Variants in CDYL observed in about 807,000 individuals in gnomAD.
The protein encoded by CDYL is chromodomain Y-like protein.
CDYL carries 8 observed loss-of-function variants against 47.3 expected under a neutral mutation model. That is an observed-to-expected ratio of 0.17 (90% confidence interval 0.10 to 0.31). CDYL has a LOEUF of 0.31. Among genes scored for constraint, CDYL ranks in the 10% least tolerant of loss-of-function variants. The pLI is 1.00. For missense variants in CDYL, 471 were observed against 701.4 expected, an observed-to-expected ratio of 0.67 and a Z score of 3.71; for synonymous variants, 266 against 265.0, an observed-to-expected ratio of 1.00 and a Z score of -0.04.
intron 1 of CDYL, among the ~76,000 whole-genome samples, chr6:4,825,848 CAAA>C (rs34591908): frequency 1.6e-4 from 16 of 98,822 alleles, no homozygotes; most frequent in Admixed American, 3.4e-4. Context: ...CCTAGAATGG[CAAA>C]AAAAAAAAAA....
chr6:4,903,207 C>T (rs1251897427), intron 2 of CDYL, among the ~76,000 whole-genome samples: 1 of 152,200 alleles, frequency 6.6e-6, no homozygotes, highest in East Asian at 1.9e-4. Context: ...GGACGTCCTC[C>T]AAATCAGACG....
At position 4,758,351 on chromosome 6, in the gene CDYL, A is replaced by AATATATATAT. The variant is rs56250752; in HGVS notation, c.186+23518_186+23527dup. ...AAGACTCATGTCTTGAAAATAAATAAATATATATATATATATATATCTCTT... is the reference window on the plus strand; with the variant it reads ...AAGACTCATGTCTTGAAAATAAATAAATATATATATATATATATATATATATATATCTCTT... On this transcript the variant is annotated intron_variant, in intron 3 of 8. Coordinates refer to the CDYL transcript ENST00000328908. 3.7e-3 allele frequency among the ~76,000 whole-genome samples: 476 copies of AATATATATAT among 129,066 alleles called. 11 individuals carry two copies. Among genetic ancestry groups the AATATATATAT allele is most frequent in the African/African-American group, 0.014 (448 of 32,670 alleles). The allele number at this position is 129,066 out of a possible 152,430, so 84.7% of individuals were successfully genotyped here. A position where few individuals can be genotyped will look rare whatever the true frequency, so the allele number is the denominator to read the frequency against.
intron 1 of CDYL, among the ~76,000 whole-genome samples, chr6:4,800,610 T>C (rs897520376): frequency 3.9e-5 from 6 of 152,224 alleles, no homozygotes; most frequent in African/African-American, 1.4e-4. Flanking sequence ...CATTTCTTGT[T>C]ATAGATCTAC....
At chr6:4,939,914 G>A (rs552574037) in intron 4 of CDYL, among the ~76,000 whole-genome samples, 62 of 152,318 alleles carry the variant, frequency 4.1e-4, no homozygotes, top group African/African-American at 1.4e-3. Flanking sequence ...GTGTCAGCCA[G>A]TGCCTTCTGG....
chr6:4,718,817 T>A (rs938297826), intron 2 of CDYL, among the ~76,000 whole-genome samples: 3 of 152,226 alleles, frequency 2.0e-5, no homozygotes, highest in Admixed American at 6.5e-5. Flanking sequence ...TTTTGACATA[T>A]GCATCTACAT....
chr6:4,900,942 C>T (rs1342063296), intron 2 of CDYL, among the ~76,000 whole-genome samples: 21 of 149,526 alleles, frequency 1.4e-4, no homozygotes, highest in Non-Finnish European at 1.9e-4. Flanking sequence ...TGAGCTGTGG[C>T]GTGCATGCTT....
intron 2 of CDYL, among the ~76,000 whole-genome samples, chr6:4,717,759 TTTTGTTGTTTTGTTAGG>T (rs2127408668): frequency 6.7e-6 from 1 of 149,846 alleles, no homozygotes; most frequent in South Asian, 2.1e-4. Flanking sequence ...TGAAAGGGAT[TTTTGTTGTTTTGTTAGG>T]TTTTTTTGGT....
chr6:4,927,509 G>T (rs775677872), intron 2 of CDYL, among the ~76,000 whole-genome samples: 1 of 151,538 alleles, frequency 6.6e-6, no homozygotes, highest in Non-Finnish European at 1.5e-5. Context: ...GTGCAGTGGT[G>T]TGATCTCAGC....
intron 3 of CDYL, among the ~76,000 whole-genome samples, chr6:4,749,589 AAGAGGT>A (rs1757956516): frequency 6.6e-6 from 1 of 152,238 alleles, no homozygotes; most frequent in Non-Finnish European, 1.5e-5. Flanking sequence ...TTCTGACTTT[AAGAGGT>A]ATTTGATCTA....
At chr6:4,883,225 A>G (rs528732157) in intron 1 of CDYL, among the ~76,000 whole-genome samples, 70 of 152,256 alleles carry the variant, frequency 4.6e-4, no homozygotes, top group Non-Finnish European at 7.8e-4. Flanking sequence ...TGGGGAGTGC[A>G]TTACACCTTG....
chr6:4,745,859 CCAGTAGTGGAGG>C (rs1757886326), intron 3 of CDYL, among the ~76,000 whole-genome samples: 1 of 152,054 alleles, frequency 6.6e-6, no homozygotes, highest in South Asian at 2.1e-4. Flanking sequence ...GAAGGCAATC[CCAGTAGTGGAGG>C]CAACAGTGCA....
intron 2 of CDYL, among the ~76,000 whole-genome samples, chr6:4,718,016 T>C (rs1386914725): frequency 6.6e-6 from 1 of 152,000 alleles, no homozygotes; most frequent in Non-Finnish European, 1.5e-5. Flanking sequence ...CGGCTGATTT[T>C]ATATTTTGTA....
In CDYL at chr6:4,937,438, G is replaced by A. The variant is rs1758230464; in HGVS notation, c.949-127G>A. ...TTGAGCCCAGGAGTTAGAGAGCACA[G>A]TGAGCCTTGATTAAACCACTGCACG... is the stretch of plus-strand genomic sequence containing the variant. On this transcript the variant is annotated intron_variant, in intron 3 of 6. Transcript: ENST00000397588. The A allele has an allele frequency of 6.2e-6, 4 of 641,696 alleles. No individual in the cohort carries two copies. The South Asian group carries it at 8.7e-5, about 14-fold the overall frequency. 39.8% of individuals were successfully genotyped at this position (641,696 alleles called of 1,614,324 possible).
At chr6:4,775,590 G>T (rs934956722), upstream of CDYL, among the ~76,000 whole-genome samples, 3 of 151,898 alleles carry the variant, frequency 2.0e-5, no homozygotes, top group African/African-American at 4.8e-5. This position sits in a 1 kb window ranked among gnomAD's most constrained non-coding sequence, Gnocchi z 7.0. Flanking sequence ...GGCCTGGCGT[G>T]GGGGGAGCTG....
chr6:4,839,367 G>T (rs191494719), intron 1 of CDYL, among the ~76,000 whole-genome samples: 19 of 152,314 alleles, frequency 1.2e-4, no homozygotes, highest in African/African-American at 3.8e-4. Context: ...CACTCTGTGG[G>T]TTGTCTGTTT....
At chr6:4,877,904 T>C (rs1761662220) in intron 1 of CDYL, among the ~76,000 whole-genome samples, 1 of 152,230 alleles carries the variant, frequency 6.6e-6, no homozygotes, top group Non-Finnish European at 1.5e-5. Context: ...GTTGTATCTA[T>C]AGATGCATTT....
chr6:4,925,846 AAC>A (rs899223144), intron 2 of CDYL, among the ~76,000 whole-genome samples: 1 of 152,132 alleles, frequency 6.6e-6, no homozygotes, highest in Admixed American at 6.5e-5. Context: ...TGCATGTGAG[AAC>A]ACACATCTCT....
Position 4,902,578 on chromosome 6 carries a change from A to ACTTCCTCTTTTTGAATAGGTGTT in CDYL, c.691+10207_691+10229dup, listed in dbSNP as rs1757101723. Among the ~76,000 whole-genome samples, 4 of 152,254 alleles carry ACTTCCTCTTTTTGAATAGGTGTT rather than the reference A, an allele frequency of 2.6e-5. No individual in the cohort carries two copies. The South Asian group carries it at 8.3e-4, about 32-fold the overall frequency. On this transcript the variant is annotated intron_variant, in intron 2 of 6. Coordinates refer to ENST00000397588, the MANE Select transcript of CDYL (RefSeq NM_004824.4). ...GAGACTGAGCTGTGCCCAGCTCTGT[A>ACTTCCTCTTTTTGAATAGGTGTT]CTTCCTCTTTTTGAATAGGTGTTCT...
At chr6:4,710,481 T>C (rs565845765) in intron 1 of CDYL, among the ~76,000 whole-genome samples, 4 of 150,614 alleles carry the variant, frequency 2.7e-5, no homozygotes, top group Middle Eastern at 3.4e-3. Context: ...AATTTTCTCA[T>C]GTGCCACCAG....
Sources: gnomAD v4.1 joint callset for allele counts (sites outside exome capture counted in the v4.1 genomes callset) on GRCh38, gnomAD v4.1.1 for gene constraint, Gnocchi (gnomAD v3.1) non-coding constraint, MANE v1.5 for transcripts, NCBI Gene and HGNC (gene_info 2026-07-23, HGNC 2026-07-21) for gene names.